Variants in STAU1 observed in about 807,000 individuals in gnomAD.
STAU1 encodes the protein staufen double-stranded RNA binding protein 1.
Under a neutral mutation model 62.9 loss-of-function variants are expected in STAU1, and 13 were observed. The observed-to-expected ratio is 0.21, with a 90% CI of 0.13 to 0.33. STAU1 has a LOEUF of 0.33. Ranked by LOEUF, STAU1 falls within the 10% of genes least tolerant of loss-of-function variation. The probability of loss-of-function intolerance (pLI) is 1.00; values close to 1 mark genes in which losing one functional copy is unlikely to be tolerated. For synonymous variants in STAU1, 269 were observed against 265.1 expected (o/e 1.01, Z -0.14); for missense variants, 571 against 712.1 (o/e 0.80, Z 2.25).
At chr20:49,211,658 A>G in the STAU1 span, among the ~76,000 whole-genome samples, 1 of 151,632 alleles carries the variant, frequency 6.6e-6, no homozygotes, top group African/African-American at 2.4e-5. Flanking sequence ...GAGGCACATG[A>G]CACCACACCT....
At chr20:49,128,227 G>A (rs1026264136) in intron 6 of STAU1, among the ~76,000 whole-genome samples, 75 of 151,998 alleles carry the variant, frequency 4.9e-4, no homozygotes, top group African/African-American at 1.6e-3. Flanking sequence ...TTGGGAGGCT[G>A]AGACAGCAGG....
At chr20:49,212,267 G>T in the STAU1 span, among the ~76,000 whole-genome samples, 1 of 152,212 alleles carries the variant, frequency 6.6e-6, no homozygotes, top group Admixed American at 6.5e-5. Flanking sequence ...GGGATTACAG[G>T]CATGAGCCAC....
the STAU1 span, among the ~76,000 whole-genome samples, chr20:49,201,986 C>T: frequency 2.0e-5 from 3 of 151,348 alleles, no homozygotes; most frequent in Non-Finnish European, 4.4e-5. Context: ...TTTGGGAGGC[C>T]GAGGCAGGCA....
chr20:49,195,188 T>C, the STAU1 span, among the ~76,000 whole-genome samples: 1 of 152,132 alleles, frequency 6.6e-6, no homozygotes, highest in East Asian at 1.9e-4. Flanking sequence ...TTTCATGACA[T>C]GTAAGGAATT....
At chr20:49,159,020 T>C in intron 3 of STAU1, 10 of 1,285,558 alleles carry the variant, frequency 7.8e-6, no homozygotes, top group Non-Finnish European at 1.0e-5. Context: ...CTCATTTAAG[T>C]ACAAACAACA....
intron 2 of STAU1, among the ~76,000 whole-genome samples, chr20:49,167,609 T>G (rs1318668948): frequency 4.6e-5 from 7 of 152,208 alleles, no homozygotes; most frequent in Non-Finnish European, 1.0e-4. Flanking sequence ...CCATTGAAGA[T>G]CTACATAATG....
intron 2 of STAU1, among the ~76,000 whole-genome samples, chr20:49,168,332 C>G (rs1378396832): frequency 6.6e-6 from 1 of 152,166 alleles, no homozygotes; most frequent in Non-Finnish European, 1.5e-5. Flanking sequence ...CTGCCCACTT[C>G]AGCCTCCCAA....
At chr20:49,158,155 G>A (rs531442191) in intron 3 of STAU1, among the ~76,000 whole-genome samples, 2 of 152,014 alleles carry the variant, frequency 1.3e-5, no homozygotes, top group South Asian at 2.1e-4. Context: ...GGTAGTACGT[G>A]TCTGTAATCC....
At chr20:49,201,973 C>G in the STAU1 span, among the ~76,000 whole-genome samples, 2 of 151,978 alleles carry the variant, frequency 1.3e-5, 1 homozygote, top group African/African-American at 4.8e-5. Flanking sequence ...GTAATCCCAG[C>G]ACTTTGGGAG....
At chr20:49,133,831 T>C (rs994202692) in intron 6 of STAU1, among the ~76,000 whole-genome samples, 67 of 152,228 alleles carry the variant, frequency 4.4e-4, no homozygotes, top group African/African-American at 1.6e-3. Context: ...TAGGGAGCCC[T>C]GGCAACTACA....
intron 3 of STAU1, among the ~76,000 whole-genome samples, chr20:49,162,204 TAAATA>T (rs1222798278): frequency 6.6e-6 from 1 of 152,118 alleles, no homozygotes; most frequent in Non-Finnish European, 1.5e-5. Flanking sequence ...AACAATTATA[TAAATA>T]AAATAAAATG....
chr20:49,139,649 C>T (rs1261330805), intron 5 of STAU1, among the ~76,000 whole-genome samples: 1 of 151,372 alleles, frequency 6.6e-6, no homozygotes, highest in Non-Finnish European at 1.5e-5. Context: ...TCACTTGAAC[C>T]CAGGAGGCAG....
the STAU1 span, among the ~76,000 whole-genome samples, chr20:49,201,645 C>T: frequency 2.0e-5 from 3 of 149,586 alleles, no homozygotes; most frequent in Non-Finnish European, 4.4e-5. Flanking sequence ...AGGAGGCTGA[C>T]GCAGTAGAAT....
rs139449306 is a variant in STAU1, at chr20:49,147,625, C to T, written c.510+3957G>A. On this transcript the variant is annotated intron_variant, in intron 5 of 13. Transcript: ENST00000371856. ...GGTTCAGCAATTCCACTTCTAGGAC[C>T]GTGGACAAAGACTTTAACTGCAACG... 7.0e-3 allele frequency among the ~76,000 whole-genome samples: 1,067 copies of T among 152,252 alleles called. 15 individuals are homozygous for T. Among genetic ancestry groups the T allele is most frequent in the African/African-American group, 0.023 (976 of 41,540 alleles).
intron 10 of STAU1, 53 bp downstream of exon 10, chr20:49,118,280 A>G (rs2092379564): frequency 9.7e-6 from 15 of 1,540,714 alleles, no homozygotes; most frequent in African/African-American, 1.4e-5. Context: ...TTCAGGACCC[A>G]TGCAAATCCC....
intron 1 of STAU1, among the ~76,000 whole-genome samples, chr20:49,182,951 A>G (rs1427329300): frequency 6.8e-6 from 1 of 146,982 alleles, no homozygotes; most frequent in Non-Finnish European, 1.5e-5. Context: ...AAACTTTGTT[A>G]TATGTTTGAA....
At chr20:49,127,628 C>T (rs1383905001) in intron 6 of STAU1, among the ~76,000 whole-genome samples, 2 of 152,160 alleles carry the variant, frequency 1.3e-5, no homozygotes, top group Non-Finnish European at 2.9e-5. Flanking sequence ...AATGCTTGAA[C>T]CCCAGAGGCG....
In STAU1 at chr20:49,129,279, AATTTTTTTT is replaced by A. The variant is rs1207119081; in HGVS notation, c.610-4701_610-4693del. Among the ~76,000 whole-genome samples the A allele has an allele frequency of 2.9e-5, 3 of 101,958 alleles. No homozygotes were observed. The Admixed American group carries it at 3.4e-4, about 12-fold the overall frequency. The allele number at this position is 101,958 out of a possible 152,430, so 66.9% of individuals were successfully genotyped here. ...ACCTGCTAGAATGACTTTAAAAAAAAATTTTTTTTTTTTTTTTTTTTTTTTTGAGACGGA... is the reference window on the plus strand; with the variant it reads ...ACCTGCTAGAATGACTTTAAAAAAAATTTTTTTTTTTTTTTTTGAGACGGA... On this transcript the variant is annotated intron_variant, in intron 6 of 13. Transcript: ENST00000371856.
At chr20:49,142,683 G>A (rs1430843930) in intron 5 of STAU1, among the ~76,000 whole-genome samples, 1 of 152,158 alleles carries the variant, frequency 6.6e-6, no homozygotes, top group Admixed American at 6.5e-5. Flanking sequence ...CCAGGTGACT[G>A]GAGTTGCGAT....
Sources: allele counts gnomAD v4.1 joint callset (sites outside exome capture counted in the v4.1 genomes callset), GRCh38; gene constraint gnomAD v4.1.1; transcripts MANE v1.5; gene names NCBI Gene and HGNC (gene_info 2026-07-23, HGNC 2026-07-21).